INPP5J: variants seen among roughly 807,000 people sequenced by gnomAD.
INPP5J encodes inositol polyphosphate-5-phosphatase J.
INPP5J carries 75 observed loss-of-function variants against 86.6 expected under a neutral mutation model. That is an observed-to-expected ratio of 0.87 (90% CI 0.72 to 1.05). The LOEUF is 1.05. Among genes scored for constraint, INPP5J ranks in the 50% least tolerant of loss-of-function variants. INPP5J has a pLI of 0.00. For missense variants in INPP5J, 1,229 were observed against 1,341.2 expected (o/e 0.92, Z 1.31); for synonymous variants, 540 against 550.0 (o/e 0.98, Z 0.25).
rs370073323 is a variant in INPP5J at position 31,126,607 on chromosome 22, C to G, written c.1386-6C>G. On this transcript the variant is annotated splice_polypyrimidine_tract_variant and splice_region_variant and intron_variant, in intron 3 of 12. Coordinates refer to ENST00000331075, the MANE Select transcript of INPP5J (RefSeq NM_001284285.2). The stretch of plus-strand genomic sequence containing the variant: ...TCCCATGGCCACCCTGCCCCCACCC[C>G]TCCAGGTTGCAGGAAGTGAACTCCA... 1.9e-6 allele frequency: 3 copies of G among 1,612,692 alleles called. No individual in the cohort carries two copies. The South Asian group carries it at 3.3e-5, about 18-fold the overall frequency.
Position 31,126,177 on chromosome 22 carries a change from C to G in INPP5J, c.1271+167C>G, listed in dbSNP as rs540051962. The G allele has an allele frequency of 6.1e-6, 5 of 817,600 alleles. No homozygotes were observed. In the African/African-American group the frequency reaches 8.6e-5, roughly 14 times the overall value. The allele number at this position is 817,600 out of a possible 1,614,324, so 50.6% of individuals were successfully genotyped here. ...GACGCTCAGAAGATAGCATCCCCTC[C>G]TAAGGAACTTGCCGCCTCTCAGTTG... On this transcript the variant is annotated intron_variant, in intron 2 of 12. Transcript: ENST00000331075.
Position 31,133,499 on chromosome 22 carries a change from G to A in INPP5J, c.2409+16G>A. The A allele has an allele frequency of 6.2e-7, 1 of 1,610,660 alleles. No homozygotes were observed. Among genetic ancestry groups the A allele is most frequent in the Non-Finnish European group, 8.5e-7 (1 of 1,177,128 alleles). ...TACCTACCAGGTACTTAAAAGGAGT[G>A]GGAGAGTCAGGGCAAGTCCTTGTTG... On this transcript the variant is annotated intron_variant, in intron 11 of 12. Transcript: ENST00000331075.
At chr22:31,127,704 C>T in intron 6 of INPP5J, 172 bp downstream of exon 6, 7 of 766,506 alleles carry the variant, frequency 9.1e-6, no homozygotes, top group Non-Finnish European at 1.5e-5. Flanking sequence ...AGGGGCGGAG[C>T]TTGTAGGGTG....
chr22:31,127,345 C>T lies in INPP5J; in HGVS notation c.1612-12C>T, dbSNP rs767171184. 1 of 1,600,020 alleles carries T rather than the reference C, an allele frequency of 6.2e-7. No individual in the cohort carries two copies. Among genetic ancestry groups the T allele is most frequent in the Non-Finnish European group, 8.5e-7 (1 of 1,172,776 alleles). On this transcript the variant is annotated splice_polypyrimidine_tract_variant and intron_variant, in intron 5 of 12. Transcript: ENST00000331075. ...AGCCCCGCCCATGAGCCATCCGACC[C>T]TGCCTCCCTAGGGTAACAAGGGTGG...
chr22:31,132,988 A>G (rs1922192455), intron 9 of INPP5J, 110 bp from the exon 10 acceptor site: 3 of 1,386,640 alleles, frequency 2.2e-6, no homozygotes, highest in African/African-American at 1.4e-5. Context: ...CAGTCTGTAA[A>G]GTGGCCCTTT....
Sources: gnomAD v4.1 joint callset for allele counts on GRCh38, gnomAD v4.1.1 for gene constraint, MANE v1.5 for transcripts, NCBI Gene and HGNC (gene_info 2026-07-23, HGNC 2026-07-21) for gene names.